SEMA6A: variants seen among roughly 807,000 people sequenced by gnomAD.
SEMA6A encodes the protein semaphorin 6A.
In SEMA6A, 25 loss-of-function variants were observed where a neutral mutation model predicts 96.8. The observed-to-expected ratio is 0.26, with a 90% CI of 0.19 to 0.36. The LOEUF (loss-of-function observed/expected upper bound fraction) is 0.36, where lower values mean the gene tolerates loss of function less well. Among genes scored for constraint, SEMA6A ranks in the 10% least tolerant of loss-of-function variants. SEMA6A has a pLI of 1.00. For missense variants in SEMA6A, 1,363 were observed against 1,323.1 expected (o/e 1.03, Z -0.47); for synonymous variants, 612 against 518.0 (o/e 1.18, Z -2.46).
intron 1 of SEMA6A, among the ~76,000 whole-genome samples, chr5:116,568,825 C>CGT (rs1402787552): frequency 8.8e-5 from 8 of 90,676 alleles, no homozygotes; most frequent in African/African-American, 3.1e-4. Flanking sequence ...AGATTGTACA[C>CGT]ACACACACAC....
chr5:116,571,474 A>T (rs1761208930), intron 1 of SEMA6A, among the ~76,000 whole-genome samples: 1 of 152,224 alleles, frequency 6.6e-6, no homozygotes, highest in South Asian at 2.1e-4. Context: ...CAAGTTGAAA[A>T]ATGACTCATA....
intron 1 of SEMA6A, among the ~76,000 whole-genome samples, chr5:116,534,321 A>C (rs141381950): frequency 4.1e-4 from 63 of 152,276 alleles, no homozygotes; most frequent in African/African-American, 1.4e-3. Flanking sequence ...AGACCATGTC[A>C]CTCACCTTCA....
rs1043717286 is a variant in SEMA6A at position 116,561,894 on chromosome 5, GA to G, written c.-39+12290del. 9.5e-4 allele frequency among the ~76,000 whole-genome samples: 145 copies of G among 152,172 alleles called. 1 individual carries two copies. The highest frequency in any genetic ancestry group is 3.4e-3 in the African/African-American group (142 of 41,508). On this transcript the variant is annotated intron_variant, in intron 1 of 18. Coordinates refer to ENST00000343348, the MANE Select transcript of SEMA6A (RefSeq NM_020796.5). ...AACTTCCCCTCATCACAACTGAGAG[GA>G]AACACCTTGTAGATAAAAGTTGACT...
rs78026297 is a variant in SEMA6A at position 116,566,119 on chromosome 5, A to C, written c.-39+8066T>G. On this transcript the variant is annotated intron_variant, in intron 1 of 18. Coordinates refer to ENST00000343348, the MANE Select transcript of SEMA6A (RefSeq NM_020796.5). ...TAGTCTCTAACAATGTTTATTTTCC[A>C]ATGGCATGTTTTCATTGTATTTAAT... Among the ~76,000 whole-genome samples the C allele has an allele frequency of 8.5e-3, 1,301 of 152,306 alleles. 16 individuals are homozygous for C. Among genetic ancestry groups the C allele is most frequent in the African/African-American group, 0.03 (1,245 of 41,560 alleles).
chr5:116,525,353 T>C (rs557666827), intron 1 of SEMA6A, among the ~76,000 whole-genome samples: 5 of 152,272 alleles, frequency 3.3e-5, no homozygotes, highest in African/African-American at 9.6e-5. Context: ...GTACAGCTGT[T>C]ATTAGGATAA....
At chr5:116,468,320 A>G (rs1425106328) in intron 17 of SEMA6A, 1 of 152,004 alleles carries the variant, frequency 6.6e-6, no homozygotes, top group Admixed American at 6.6e-5. Context: ...GTTCAACTCA[A>G]CTTCACAGGC....
intron 18 of SEMA6A, chr5:116,449,682 C>A (rs1438006750): frequency 1.6e-5 from 4 of 246,428 alleles, no homozygotes; most frequent in Non-Finnish European, 3.1e-5. Context: ...AAATGATTGT[C>A]CTGTGACAAA....
chr5:116,457,719 TTTC>T (rs1205406398), intron 18 of SEMA6A, among the ~76,000 whole-genome samples: 3 of 152,132 alleles, frequency 2.0e-5, no homozygotes, highest in Admixed American at 2.0e-4. Flanking sequence ...ATCCACTACA[TTTC>T]GGTAGTATAC....
Position 116,574,389 on chromosome 5 carries a change from T to C in SEMA6A, c.-243A>G, listed in dbSNP as rs1047060960. 2 of 150,684 alleles carry C rather than the reference T, an allele frequency of 1.3e-5. No individual in the cohort carries two copies. The highest frequency in any genetic ancestry group is 4.9e-5 in the African/African-American group (2 of 40,850). 9.3% of individuals were successfully genotyped at this position (150,684 alleles called of 1,614,324 possible). ...ACTACTTTCTGGGATGCAAACGCGA[T>C]GTGTTCATCTCCAATGACGAGCGGA... On this transcript the variant is annotated 5_prime_UTR_variant, in exon 1 of 19. Transcript: ENST00000343348.
At chr5:116,501,355 C>A (rs537531955) in intron 3 of SEMA6A, among the ~76,000 whole-genome samples, 1 of 152,294 alleles carries the variant, frequency 6.6e-6, no homozygotes, top group South Asian at 2.1e-4. Context: ...CTTAAGACAT[C>A]AGCCTGTCTG....
Position 116,447,296 on chromosome 5 carries a change from G to A in SEMA6A, c.2410C>T (p.Pro804Ser), listed in dbSNP as rs752800180. Reference sequence around the variant, plus strand: ...ATGTGGCTGGGGGAGGCCCGCAGGGGCAGGTCCGTGGGAATCACAGGGGAG... The same window carrying A: ...ATGTGGCTGGGGGAGGCCCGCAGGGACAGGTCCGTGGGAATCACAGGGGAG... Reference protein sequence around the residue: ...MGSPVIPTDLPLRASPSHIPS... With the variant: ...MGSPVIPTDLSLRASPSHIPS... The change falls in exon 19 of 19, where the codon CCC (proline) becomes TCC (serine). Residue 804 changes from proline (P) to serine (S), a missense_variant. Coordinates refer to ENST00000343348, the MANE Select transcript of SEMA6A (RefSeq NM_020796.5). The A allele has an allele frequency of 3.1e-6, 5 of 1,613,682 alleles. No individual in the cohort carries two copies. The African/African-American group carries it at 5.3e-5, about 17-fold the overall frequency.
intron 17 of SEMA6A, chr5:116,472,667 T>G: frequency 2.1e-6 from 1 of 485,618 alleles, no homozygotes; most frequent in African/African-American, 2.0e-5. Flanking sequence ...TTTCATGTTA[T>G]CTGGATTAAA....
rs751681436 is a variant in SEMA6A, at chr5:116,446,587, C to T, written c.*26G>A. The T allele has an allele frequency of 4.1e-6, 6 of 1,455,666 alleles. No individual in the cohort carries two copies. The highest frequency in any genetic ancestry group is 2.5e-5 in the East Asian group (1 of 40,444). 90.2% of individuals were successfully genotyped at this position (1,455,666 alleles called of 1,614,324 possible). A position where few individuals can be genotyped will look rare whatever the true frequency, so the allele number is the denominator to read the frequency against. On this transcript the variant is annotated 3_prime_UTR_variant, in exon 19 of 19. Transcript: ENST00000343348. ...GGGCACCTCGCCTTGCCTGCTGGTT[C>T]GACACCTGACCCCCTCCCCCTGGGA...
chr5:116,462,519 A>G (rs996188323), intron 18 of SEMA6A, among the ~76,000 whole-genome samples: 2 of 152,212 alleles, frequency 1.3e-5, no homozygotes, highest in South Asian at 4.1e-4. Flanking sequence ...ATGCTTAACA[A>G]GCCTAGAGTG....
In SEMA6A at chr5:116,467,882, AGTGGTGGTG is replaced by A. The variant is rs3073761; in HGVS notation, c.1730-144_1730-136del. 2,905 of 551,388 alleles carry A rather than the reference AGTGGTGGTG, an allele frequency of 5.3e-3. 42 individuals carry two copies. Among genetic ancestry groups the A allele is most frequent in the African/African-American group, 0.043 (2,102 of 48,912 alleles). 34.2% of individuals were successfully genotyped at this position (551,388 alleles called of 1,614,324 possible). ...GATGGCCCTAGAAATGACACGGCTT[AGTGGTGGTG>A]GTGGTGGTGGTGGTGGTGGTGGTGT... is the stretch of plus-strand genomic sequence containing the variant. On this transcript the variant is annotated intron_variant, in intron 17 of 18. Transcript: ENST00000343348.
intron 1 of SEMA6A, among the ~76,000 whole-genome samples, chr5:116,510,334 T>C (rs1758349125): frequency 6.6e-6 from 1 of 152,198 alleles, no homozygotes; most frequent in Non-Finnish European, 1.5e-5. Flanking sequence ...ACAGTGTGAC[T>C]GCCTCCAAAA....
In SEMA6A at chr5:116,444,078, AGG is replaced by A. The variant is rs1277279717; in HGVS notation, c.*2533_*2534del. On this transcript the variant is annotated 3_prime_UTR_variant, in exon 19 of 19. Transcript: ENST00000343348. ...TCTCGGGAGTCAAGCATGGGAAAGA[AGG>A]GGGCAGGGGGATACAGACCCATCAC... 1 of 152,180 alleles carries A rather than the reference AGG, an allele frequency of 6.6e-6. No homozygotes were observed. Among genetic ancestry groups the A allele is most frequent in the Non-Finnish European group, 1.5e-5 (1 of 68,054 alleles). The allele number at this position is 152,180 out of a possible 1,614,324, so 9.4% of individuals were successfully genotyped here. A position where few individuals can be genotyped will look rare whatever the true frequency, so the allele number is the denominator to read the frequency against.
intron 12 of SEMA6A, among the ~76,000 whole-genome samples, chr5:116,479,598 G>A (rs574202830): frequency 1.3e-5 from 2 of 152,302 alleles, no homozygotes; most frequent in East Asian, 3.9e-4. Context: ...ACAAGGAAGA[G>A]TTTTTTAATA....
chr5:116,451,265 C>T (rs2112587280), intron 18 of SEMA6A, among the ~76,000 whole-genome samples: 1 of 152,226 alleles, frequency 6.6e-6, no homozygotes. Flanking sequence ...CAAAAGAAGC[C>T]ACAAAGGAGA....
Sources: allele counts gnomAD v4.1 joint callset (sites outside exome capture counted in the v4.1 genomes callset), GRCh38; gene constraint gnomAD v4.1.1; transcripts MANE v1.5; gene names NCBI Gene and HGNC (gene_info 2026-07-23, HGNC 2026-07-21).